Variants in TAS2R1 observed in about 807,000 individuals in gnomAD.
TAS2R1 encodes the protein taste 2 receptor member 1.
For synonymous variants in TAS2R1, 141 were observed against 134.2 expected (o/e 1.05, Z -0.35); for missense variants, 370 against 353.4 (o/e 1.05, Z -0.38).
chr5:9,888,025 C>T, the TAS2R1 span, among the ~76,000 whole-genome samples: 6 of 152,030 alleles, frequency 3.9e-5, no homozygotes, highest in African/African-American at 1.4e-4. Context: ...TAAGCAGCCC[C>T]GCTGAGAGCA....
chr5:9,737,746 C>T, the TAS2R1 span, among the ~76,000 whole-genome samples: 2 of 152,328 alleles, frequency 1.3e-5, no homozygotes, highest in African/African-American at 4.8e-5. Flanking sequence ...AGTCAGTTAG[C>T]AGTATCCCAA....
the TAS2R1 span, among the ~76,000 whole-genome samples, chr5:9,879,627 T>G: frequency 2.3e-3 from 345 of 152,330 alleles, 3 homozygotes; most frequent in African/African-American, 8.0e-3. Context: ...TAATTTTAAT[T>G]TTTATAATAA....
intron 1 of TAS2R1, among the ~76,000 whole-genome samples, chr5:9,701,642 T>C (rs1366282174): frequency 6.6e-6 from 1 of 152,256 alleles, no homozygotes; most frequent in Non-Finnish European, 1.5e-5. Flanking sequence ...ATACTAATTT[T>C]AAAGCATATC....
At chr5:9,723,205 T>C in the TAS2R1 span, among the ~76,000 whole-genome samples, 1 of 152,154 alleles carries the variant, frequency 6.6e-6, no homozygotes, top group Admixed American at 6.5e-5. Flanking sequence ...GGAAGAGTTT[T>C]GGTGGTTCTC....
At chr5:9,701,732 G>T (rs939891947) in intron 1 of TAS2R1, among the ~76,000 whole-genome samples, 21 of 152,096 alleles carry the variant, frequency 1.4e-4, no homozygotes, top group Non-Finnish European at 3.1e-4. Context: ...TATCATAACA[G>T]TTTTTCACAT....
chr5:9,654,925 G>T (rs865984342), intron 2 of TAS2R1, among the ~76,000 whole-genome samples: 1 of 152,132 alleles, frequency 6.6e-6, no homozygotes, highest in South Asian at 2.1e-4. Context: ...AAATATGAAA[G>T]CATGTTCCCA....
At chr5:9,874,086 A>T in the TAS2R1 span, among the ~76,000 whole-genome samples, 3 of 152,164 alleles carry the variant, frequency 2.0e-5, no homozygotes, top group African/African-American at 7.2e-5. Flanking sequence ...ATTTTAGGAC[A>T]TCAAATATAT....
chr5:9,714,236 G>C (rs888334864), upstream of TAS2R1: 8 of 152,150 alleles, frequency 5.3e-5, no homozygotes, highest in African/African-American at 1.9e-4. Context: ...ACTTGGTATT[G>C]CATCTGTAAA....
At chr5:9,633,463 C>T (rs761364037), upstream of TAS2R1, among the ~76,000 whole-genome samples, 1 of 151,418 alleles carries the variant, frequency 6.6e-6, no homozygotes, top group Non-Finnish European at 1.5e-5. Flanking sequence ...GGTAGATACC[C>T]GGGAGTGGGA....
chr5:9,896,708 T>A, the TAS2R1 span, among the ~76,000 whole-genome samples: 2 of 152,218 alleles, frequency 1.3e-5, no homozygotes, highest in African/African-American at 4.8e-5. Context: ...TGTTTGGCAA[T>A]GTTGTTTAGG....
At chr5:9,646,412 A>G (rs927385969) in intron 2 of TAS2R1, among the ~76,000 whole-genome samples, 2 of 152,174 alleles carry the variant, frequency 1.3e-5, no homozygotes, top group African/African-American at 4.8e-5. Context: ...ATGGTCAAAT[A>G]TATTTTCATA....
the TAS2R1 span, among the ~76,000 whole-genome samples, chr5:9,783,671 T>C: frequency 1.3e-5 from 2 of 152,264 alleles, no homozygotes; most frequent in African/African-American, 4.8e-5. Context: ...ATTTCAATCT[T>C]TCTTTCTTTT....
the TAS2R1 span, among the ~76,000 whole-genome samples, chr5:9,893,796 C>T: frequency 6.6e-6 from 1 of 152,092 alleles, no homozygotes; most frequent in African/African-American, 2.4e-5. Context: ...CTGAATAAGA[C>T]TCTGTGGGAG....
At chr5:9,646,063 G>C (rs1740180482) in intron 2 of TAS2R1, among the ~76,000 whole-genome samples, 1 of 152,054 alleles carries the variant, frequency 6.6e-6, no homozygotes, top group Non-Finnish European at 1.5e-5. Flanking sequence ...CAAATTATCT[G>C]CCTAAAGCCA....
At chr5:9,818,429 ATAAT>A in the TAS2R1 span, among the ~76,000 whole-genome samples, 2 of 152,146 alleles carry the variant, frequency 1.3e-5, no homozygotes, top group Non-Finnish European at 1.5e-5. Context: ...CTTTTGCTGC[ATAAT>A]TAAACATCCC....
chr5:9,782,285 T>C, the TAS2R1 span, among the ~76,000 whole-genome samples: 1 of 152,232 alleles, frequency 6.6e-6, no homozygotes, highest in African/African-American at 2.4e-5. Flanking sequence ...AGTCCTCTTT[T>C]CCCAAGGTTC....
intron 1 of TAS2R1, among the ~76,000 whole-genome samples, chr5:9,672,267 C>T (rs1302635406): frequency 6.6e-6 from 1 of 152,056 alleles, no homozygotes; most frequent in Non-Finnish European, 1.5e-5. Context: ...AAAGCAATTG[C>T]AACAAAAACA....
chr5:9,678,331 TG>T (rs978276088), intron 1 of TAS2R1, among the ~76,000 whole-genome samples: 1 of 152,104 alleles, frequency 6.6e-6, no homozygotes, highest in Non-Finnish European at 1.5e-5. Flanking sequence ...ATACTGTTGG[TG>T]GGAATGTAAA....
intron 2 of TAS2R1, among the ~76,000 whole-genome samples, chr5:9,635,594 AT>A (rs541071696): frequency 7.1e-4 from 101 of 141,806 alleles, no homozygotes; most frequent in Middle Eastern, 3.5e-3. Context: ...TTTTGTTGTG[AT>A]TTTTTTTTTT....
Sources: allele counts gnomAD v4.1 joint callset (sites outside exome capture counted in the v4.1 genomes callset), GRCh38; gene constraint gnomAD v4.1.1; transcripts MANE v1.5; gene names NCBI Gene and HGNC (gene_info 2026-07-23, HGNC 2026-07-21).